The following ZNF423 variants were observed in gnomAD, a reference collection of about 807,000 sequenced individuals.
ZNF423 encodes Ebf-associated zinc finger protein.
Under a neutral mutation model 95.8 loss-of-function variants are expected in ZNF423, and 12 were observed. The observed-to-expected ratio is 0.13, with a 90% CI of 0.08 to 0.20. The LOEUF is 0.20. ZNF423 is among the 10% of genes least tolerant of loss of function. The pLI, the probability that ZNF423 is intolerant of heterozygous loss-of-function variation, is 1.00. For synonymous variants in ZNF423, 749 were observed against 711.9 expected (o/e 1.05, Z -0.83); for missense variants, 1,316 against 1,737.1 (o/e 0.76, Z 4.31).
chr16:49,778,919 G>A (rs1156251274), intron 2 of ZNF423, among the ~76,000 whole-genome samples: 1 of 152,178 alleles, frequency 6.6e-6, no homozygotes, highest in Non-Finnish European at 1.5e-5. Context: ...AATGGCCTTA[G>A]GAAGTAGAAT....
intron 7 of ZNF423, among the ~76,000 whole-genome samples, chr16:49,504,018 G>A (rs1245440994): frequency 2.6e-5 from 4 of 152,198 alleles, no homozygotes; most frequent in African/African-American, 9.7e-5. Context: ...ATTATTATAT[G>A]ATTTCTCTTG....
At position 49,592,894 on chromosome 16, in the gene ZNF423, C is replaced by T. The variant is rs1414230941; in HGVS notation, c.3601+33276G>A. On this transcript the variant is annotated intron_variant, in intron 5 of 7. Coordinates refer to ENST00000563137, the MANE Select transcript of ZNF423 (RefSeq NM_001379286.1). ...GATTCACAGGCTCAACTTCTCACTG[C>T]CATCCATAAACAGGGAAGAAGATAT... 2.0e-5 allele frequency among the ~76,000 whole-genome samples: 3 copies of T among 152,320 alleles called. No homozygotes were observed. The East Asian group carries it at 5.8e-4, about 29-fold the overall frequency.
chr16:49,687,103 G>C (rs549495670), intron 3 of ZNF423, among the ~76,000 whole-genome samples: 1 of 151,986 alleles, frequency 6.6e-6, no homozygotes. Context: ...TTGGGTACCT[G>C]AGTTACTGTT....
Position 49,854,706 on chromosome 16 carries a change from G to A in ZNF423, c.40+1029C>T, listed in dbSNP as rs1373027613. ...GGAAAGGCCAGCCGCGGGGAGAGGAGGCCAGGGGAGGGGCTCTGCTGCCGG... is the reference window on the plus strand; with the variant it reads ...GGAAAGGCCAGCCGCGGGGAGAGGAAGCCAGGGGAGGGGCTCTGCTGCCGG... On this transcript the variant is annotated intron_variant, in intron 1 of 7. Coordinates refer to ENST00000563137, the MANE Select transcript of ZNF423 (RefSeq NM_001379286.1). The A allele has an allele frequency of 4.1e-6, 4 of 985,490 alleles. No individual in the cohort carries two copies. The East Asian group carries it at 4.5e-4, about 112-fold the overall frequency. The allele number at this position is 985,490 out of a possible 1,614,324, so 61.0% of individuals were successfully genotyped here.
At chr16:49,810,198 G>A (rs1180117667) in intron 1 of ZNF423, among the ~76,000 whole-genome samples, 2 of 151,788 alleles carry the variant, frequency 1.3e-5, no homozygotes, top group Non-Finnish European at 2.9e-5. Flanking sequence ...CACGTTCCCA[G>A]ACTCACAGAC....
At chr16:49,648,012 AAC>A (rs1313420860) in intron 3 of ZNF423, among the ~76,000 whole-genome samples, 4 of 152,206 alleles carry the variant, frequency 2.6e-5, no homozygotes, top group African/African-American at 9.6e-5. Flanking sequence ...GATTAATGGA[AAC>A]ATAGATATTA....
chr16:49,686,077 C>T (rs753400565), intron 3 of ZNF423, among the ~76,000 whole-genome samples: 24 of 152,184 alleles, frequency 1.6e-4, no homozygotes, highest in Non-Finnish European at 3.2e-4. Context: ...GATGCTTCCA[C>T]GCCTAGAAGA....
rs1281025612 is a variant in ZNF423 at position 49,565,154 on chromosome 16, A to G, written c.3602-39660T>C. 2.6e-5 allele frequency among the ~76,000 whole-genome samples: 4 copies of G among 152,096 alleles called. No homozygotes were observed. The East Asian group carries it at 7.7e-4, about 29-fold the overall frequency. On this transcript the variant is annotated intron_variant, in intron 5 of 7. Transcript: ENST00000563137. ...ATCAGCACGGCGCCGCAGCTGCTGT[A>G]AGCTAGCTGAAAATTGTCTGCATAC...
chr16:49,826,485 A>C (rs2035006427), intron 1 of ZNF423, among the ~76,000 whole-genome samples: 1 of 152,144 alleles, frequency 6.6e-6, no homozygotes, highest in African/African-American at 2.4e-5. Flanking sequence ...CAGGACTCTG[A>C]TGTTGAGGTC....
chr16:49,497,273 T>C (rs1386330225), intron 7 of ZNF423, among the ~76,000 whole-genome samples: 2 of 132,658 alleles, frequency 1.5e-5, no homozygotes, highest in Non-Finnish European at 3.2e-5. Flanking sequence ...TCCACAGATG[T>C]TCACTGAGTT....
intron 2 of ZNF423, among the ~76,000 whole-genome samples, chr16:49,769,252 G>A (rs2033986620): frequency 6.6e-6 from 1 of 151,932 alleles, no homozygotes; most frequent in Non-Finnish European, 1.5e-5. Flanking sequence ...CTACTCGGGA[G>A]GCTGAGGCAG....
intron 3 of ZNF423, among the ~76,000 whole-genome samples, chr16:49,649,227 A>T (rs1401081162): frequency 6.6e-6 from 1 of 152,196 alleles, no homozygotes; most frequent in African/African-American, 2.4e-5. Flanking sequence ...GCCATAGTGG[A>T]TGAGATCACT....
chr16:49,718,354 C>T (rs1197034087), intron 3 of ZNF423, among the ~76,000 whole-genome samples: 3 of 152,014 alleles, frequency 2.0e-5, no homozygotes, highest in African/African-American at 7.3e-5. Context: ...TGCAGTGAGC[C>T]GAGATTATGC....
chr16:49,814,875 C>G (rs2034812217), intron 1 of ZNF423, among the ~76,000 whole-genome samples: 1 of 152,060 alleles, frequency 6.6e-6, no homozygotes, highest in African/African-American at 2.4e-5. Flanking sequence ...GGATGGCCAG[C>G]AAGACGGAGG....
At chr16:49,516,041 C>T (rs1385235851) in intron 7 of ZNF423, among the ~76,000 whole-genome samples, 1 of 152,220 alleles carries the variant, frequency 6.6e-6, no homozygotes, top group Non-Finnish European at 1.5e-5. Flanking sequence ...CTACATACCA[C>T]CCTCCACGGC....
intron 7 of ZNF423, among the ~76,000 whole-genome samples, chr16:49,513,199 G>A (rs1292208777): frequency 6.6e-6 from 1 of 152,184 alleles, no homozygotes; most frequent in Non-Finnish European, 1.5e-5. Flanking sequence ...ACAAGTGGCT[G>A]ACTCCAGCGT....
chr16:49,725,675 A>C (rs2032992337), intron 3 of ZNF423, among the ~76,000 whole-genome samples: 1 of 152,208 alleles, frequency 6.6e-6, no homozygotes, highest in Non-Finnish European at 1.5e-5. Context: ...GGAGGGCTGC[A>C]GGGCGTGTGT....
intron 1 of ZNF423, among the ~76,000 whole-genome samples, chr16:49,799,973 G>T (rs2034556734): frequency 6.6e-6 from 1 of 152,056 alleles, no homozygotes; most frequent in African/African-American, 2.4e-5. Context: ...TATTTTTCTG[G>T]CCAAGCGTGG....
At chr16:49,624,577 CA>C (rs1972197327) in intron 5 of ZNF423, among the ~76,000 whole-genome samples, 2 of 152,002 alleles carry the variant, frequency 1.3e-5, no homozygotes, top group South Asian at 4.2e-4. Flanking sequence ...CAAACCAAAA[CA>C]AAAGAAGACA....
Sources: allele counts gnomAD v4.1 joint callset (sites outside exome capture counted in the v4.1 genomes callset), GRCh38; gene constraint gnomAD v4.1.1; transcripts MANE v1.5; gene names NCBI Gene and HGNC (gene_info 2026-07-23, HGNC 2026-07-21).